The following ESRRG variants were observed in gnomAD, a reference collection of about 807,000 sequenced individuals.
The protein encoded by ESRRG is estrogen-related receptor gamma.
In ESRRG, 13 loss-of-function variants were observed where a neutral mutation model predicts 44.0. The observed-to-expected ratio is 0.30, with a 90% confidence interval of 0.19 to 0.47. The LOEUF (loss-of-function observed/expected upper bound fraction) is 0.47. ESRRG is among the 20% of genes least tolerant of loss of function. ESRRG has a pLI of 1.00. For synonymous variants in ESRRG, 215 were observed against 214.6 expected (o/e 1.00, Z -0.02); for missense variants, 395 against 580.6 (o/e 0.68, Z 3.29).
intron 2 of ESRRG, among the ~76,000 whole-genome samples, chr1:216,898,812 C>T (rs1205521352): frequency 1.3e-5 from 2 of 152,184 alleles, no homozygotes; most frequent in Non-Finnish European, 2.9e-5. Context: ...CTATAGAACA[C>T]GTAAGTAAAT....
intron 2 of ESRRG, among the ~76,000 whole-genome samples, chr1:216,887,940 G>C (rs2149372795): frequency 6.6e-6 from 1 of 152,030 alleles, no homozygotes; most frequent in Non-Finnish European, 1.5e-5. Flanking sequence ...TATTCACTTT[G>C]AATATTCATT....
At chr1:216,742,839 T>C (rs1329628435) in intron 2 of ESRRG, among the ~76,000 whole-genome samples, 1 of 152,030 alleles carries the variant, frequency 6.6e-6, no homozygotes, top group African/African-American at 2.4e-5. Flanking sequence ...CCCTCTGGTG[T>C]TGGACTCTCC....
chr1:216,532,422 C>T (rs2049654473), intron 5 of ESRRG, among the ~76,000 whole-genome samples: 2 of 152,124 alleles, frequency 1.3e-5, no homozygotes, highest in Admixed American at 1.3e-4. Flanking sequence ...ATATTAAATG[C>T]CGCACTGGAA....
intron 2 of ESRRG, among the ~76,000 whole-genome samples, chr1:216,753,311 T>C (rs2092212922): frequency 6.6e-6 from 1 of 152,104 alleles, no homozygotes; most frequent in African/African-American, 2.4e-5. Context: ...TGCAAAGATA[T>C]GACAATTCAA....
chr1:216,777,707 T>C (rs2093666335), intron 2 of ESRRG, among the ~76,000 whole-genome samples: 1 of 152,108 alleles, frequency 6.6e-6, no homozygotes, highest in Non-Finnish European at 1.5e-5. Flanking sequence ...CACAATGTAA[T>C]AGTCCTATTG....
At chr1:216,604,740 C>G (rs1235727693) in intron 3 of ESRRG, among the ~76,000 whole-genome samples, 4 of 152,198 alleles carry the variant, frequency 2.6e-5, no homozygotes, top group Non-Finnish European at 4.4e-5. Context: ...CTAGCATTCA[C>G]GCCCTAACCA....
intron 1 of ESRRG, among the ~76,000 whole-genome samples, chr1:217,084,614 T>C (rs1025645838): frequency 1.3e-5 from 2 of 152,168 alleles, no homozygotes; most frequent in African/African-American, 2.4e-5. Context: ...ATCTTCAAAC[T>C]AGTAAACAAT....
intron 2 of ESRRG, among the ~76,000 whole-genome samples, chr1:216,762,522 AG>A (rs1256452685): frequency 7.2e-6 from 1 of 139,206 alleles, no homozygotes; most frequent in African/African-American, 2.7e-5. Context: ...ACATGGACAC[AG>A]GAAGGGGAAC....
intron 5 of ESRRG, among the ~76,000 whole-genome samples, chr1:216,522,321 G>T (rs941228540): frequency 2.5e-5 from 3 of 117,950 alleles, no homozygotes; most frequent in African/African-American, 6.4e-5. Context: ...TAGCACAAAA[G>T]GTTTGACACA....
rs551041229 is a variant in ESRRG at position 216,870,632 on chromosome 1, G to A, written c.-14+68950C>T. ...AAAATACACCAATGAAACTACCTGG[G>A]CCTGGAGATTTCTTTGGCAAAAGGA... On this transcript the variant is annotated intron_variant, in intron 2 of 7. Transcript: ENST00000359162. Among the ~76,000 whole-genome samples the A allele has an allele frequency of 1.7e-3, 259 of 151,996 alleles. 1 individual carries two copies. Among genetic ancestry groups the A allele is most frequent in the Non-Finnish European group, 2.4e-3 (165 of 67,852 alleles).
chr1:216,893,799 AATGT>A (rs2058096795), intron 2 of ESRRG, among the ~76,000 whole-genome samples: 1 of 152,214 alleles, frequency 6.6e-6, no homozygotes, highest in Admixed American at 6.5e-5. Flanking sequence ...AAGTAAAATA[AATGT>A]AAACTTTGTT....
At chr1:216,978,676 G>T (rs2073400891) in intron 1 of ESRRG, among the ~76,000 whole-genome samples, 1 of 152,116 alleles carries the variant, frequency 6.6e-6, no homozygotes, top group South Asian at 2.1e-4. Context: ...TCTCTTCCAT[G>T]ACAGTCAGAG....
chr1:216,950,009 C>T (rs970686374), intron 1 of ESRRG, among the ~76,000 whole-genome samples: 3 of 150,794 alleles, frequency 2.0e-5, no homozygotes, highest in Admixed American at 6.6e-5. Flanking sequence ...GAAGGGGTTT[C>T]GCCATGTTGG....
chr1:216,647,757 T>C (rs2067959060), intron 3 of ESRRG, among the ~76,000 whole-genome samples: 1 of 152,190 alleles, frequency 6.6e-6, no homozygotes, highest in African/African-American at 2.4e-5. Flanking sequence ...GTAATTCTCA[T>C]TTTTCTATCA....
intron 1 of ESRRG, among the ~76,000 whole-genome samples, chr1:217,072,935 T>C (rs2090753579): frequency 6.6e-6 from 1 of 152,112 alleles, no homozygotes; most frequent in Admixed American, 6.6e-5. Flanking sequence ...ATACCCATTG[T>C]CATTCATATG....
At chr1:217,042,473 A>AACACACAC (rs140559927) in intron 1 of ESRRG, among the ~76,000 whole-genome samples, 3,158 of 138,978 alleles carry the variant, frequency 0.023, 54 homozygotes, top group East Asian at 0.052. Context: ...TACACACACA[A>AACACACAC]ACACACACAC....
chr1:216,531,323 G>C (rs1021586035), intron 5 of ESRRG, among the ~76,000 whole-genome samples: 1 of 152,138 alleles, frequency 6.6e-6, no homozygotes, highest in Non-Finnish European at 1.5e-5. Flanking sequence ...TCGGTTTAAA[G>C]TCAGGCTCCC....
chr1:216,837,212 A>G (rs1297363013), intron 2 of ESRRG, among the ~76,000 whole-genome samples: 1 of 152,006 alleles, frequency 6.6e-6, no homozygotes, highest in Non-Finnish European at 1.5e-5. Flanking sequence ...GATCGAGACC[A>G]TCCTAGCTAA....
intron 1 of ESRRG, among the ~76,000 whole-genome samples, chr1:216,945,773 T>C (rs2065965621): frequency 6.6e-6 from 1 of 152,226 alleles, no homozygotes; most frequent in Non-Finnish European, 1.5e-5. Context: ...GAGCCGACAG[T>C]GTTCTCTGCC....
Sources: allele counts gnomAD v4.1 joint callset (sites outside exome capture counted in the v4.1 genomes callset), GRCh38; gene constraint gnomAD v4.1.1; transcripts MANE v1.5; gene names NCBI Gene and HGNC (gene_info 2026-07-23, HGNC 2026-07-21).